Variants in HOOK3 observed in about 807,000 individuals in gnomAD.
HOOK3 encodes protein Hook homolog 3.
In HOOK3, 24 loss-of-function variants were observed where a neutral mutation model predicts 116.3. The observed-to-expected ratio is 0.21, with a 90% CI of 0.15 to 0.29. The LOEUF (loss-of-function observed/expected upper bound fraction) is 0.29. HOOK3 is among the 10% of genes least tolerant of loss of function. The pLI is 1.00. For missense variants in HOOK3, 632 were observed against 830.2 expected, an observed-to-expected ratio of 0.76 and a Z score of 2.93; for synonymous variants, 275 against 283.0, an observed-to-expected ratio of 0.97 and a Z score of 0.28.
rs376311649 is a variant in HOOK3 at position 43,001,664 on chromosome 8, A to T, written c.1621-443A>T. On this transcript the variant is annotated intron_variant, in intron 16 of 21. Coordinates refer to ENST00000307602, the MANE Select transcript of HOOK3 (RefSeq NM_032410.4). ...AATTATTTGTAACCTGTGCATTTTCATAAGTCACTGATTAAGTCAGACATA... is the reference window on the plus strand; with the variant it reads ...AATTATTTGTAACCTGTGCATTTTCTTAAGTCACTGATTAAGTCAGACATA... 1.5e-4 allele frequency among the ~76,000 whole-genome samples: 23 copies of T among 152,128 alleles called. No homozygotes were observed. In the South Asian group the frequency reaches 4.4e-3, roughly 29 times the overall value.
At chr8:42,938,871 C>A (rs1808031364) in intron 4 of HOOK3, among the ~76,000 whole-genome samples, 1 of 152,238 alleles carries the variant, frequency 6.6e-6, no homozygotes, top group East Asian at 1.9e-4. Flanking sequence ...CTGCATTCCG[C>A]AGTGTTTGTG....
chr8:42,995,250 G>A (rs886399547), intron 15 of HOOK3, among the ~76,000 whole-genome samples: 7 of 138,078 alleles, frequency 5.1e-5, no homozygotes, highest in African/African-American at 1.7e-4. Context: ...AACACTCATT[G>A]TCTTGTTTTC....
intron 13 of HOOK3, 48 bp from the exon 14 acceptor site, chr8:42,982,579 G>A (rs759911531): frequency 5.4e-6 from 7 of 1,306,062 alleles, no homozygotes; most frequent in African/African-American, 2.9e-5. Context: ...CGAAAGTTGT[G>A]TAACTGTGTT....
chr8:42,943,241 C>A (rs1563297468), intron 4 of HOOK3, 72 bp from the exon 5 acceptor site: 1 of 1,047,314 alleles, frequency 9.5e-7, no homozygotes, highest in African/African-American at 1.6e-5. Flanking sequence ...TAATAACAAA[C>A]CTCGATCAAG....
chr8:42,998,921 G>A (rs1259062791), intron 16 of HOOK3, among the ~76,000 whole-genome samples: 1 of 152,196 alleles, frequency 6.6e-6, no homozygotes, highest in Non-Finnish European at 1.5e-5. Context: ...AAGTATCTTA[G>A]AGATGAACTG....
chr8:42,964,407 A>C lies in HOOK3; in HGVS notation c.712A>C (p.Ser238Arg). ...ATCTGATTCTATAGAAGACCCTAACAGTCCAGCAGGAAGAAGGCATTTGCA... is the reference window on the plus strand; with the variant it reads ...ATCTGATTCTATAGAAGACCCTAACCGTCCAGCAGGAAGAAGGCATTTGCA... ...NQSDSIEDPN[S>R]PAGRRHLQLQ... The change falls in exon 9 of 22, where the codon AGT becomes CGT. Residue 238 changes from serine to arginine, a missense_variant. By Grantham distance (110) the Ser-to-Arg change is moderately radical. This residue lies in a region of HOOK3 where 483 missense variants were observed against 648.1 expected (regional missense o/e 0.75). Transcript: ENST00000307602. The C allele has an allele frequency of 6.2e-7, 1 of 1,614,208 alleles. No individual in the cohort carries two copies. The highest frequency in any genetic ancestry group is 1.3e-5 in the African/African-American group (1 of 75,074).
In HOOK3 at chr8:42,919,271, C is replaced by T. The variant is rs1371789182; in HGVS notation, c.144-6286C>T. Among the ~76,000 whole-genome samples, 320 of 145,482 alleles carry T rather than the reference C, an allele frequency of 2.2e-3. 2 individuals carry two copies. Among genetic ancestry groups the T allele is most frequent in the Non-Finnish European group, 2.2e-3 (147 of 66,816 alleles). On this transcript the variant is annotated intron_variant, in intron 2 of 21. Coordinates refer to ENST00000307602, the MANE Select transcript of HOOK3 (RefSeq NM_032410.4). ...GGGGCTCCTCACTTCTCAGACGGGG[C>T]GGCCAGTCAGAGACGCTCCTCACCT...
intron 6 of HOOK3, among the ~76,000 whole-genome samples, chr8:42,953,941 C>T (rs1001569865): frequency 1.3e-4 from 20 of 152,074 alleles, no homozygotes; most frequent in African/African-American, 3.1e-4. Flanking sequence ...ACCATTGTGC[C>T]GTATCCCTTC....
At chr8:42,908,328 G>T (rs190495518) in intron 2 of HOOK3, among the ~76,000 whole-genome samples, 2 of 152,242 alleles carry the variant, frequency 1.3e-5, no homozygotes, top group African/African-American at 4.8e-5. Flanking sequence ...AAATTCATAT[G>T]AAATGACAAA....
chr8:42,907,816 C>CAAAAGAA (rs1807341077), intron 2 of HOOK3, among the ~76,000 whole-genome samples: 1 of 46,196 alleles, frequency 2.2e-5, no homozygotes. Flanking sequence ...AGCAACGAGG[C>CAAAAGAA]AAAAAAAAAA....
At chr8:42,972,461 G>A (rs1043722693) in intron 11 of HOOK3, among the ~76,000 whole-genome samples, 1 of 151,920 alleles carries the variant, frequency 6.6e-6, no homozygotes, top group African/African-American at 2.4e-5. Context: ...TCCTAGGCTG[G>A]AGTGCAATGG....
intron 18 of HOOK3, among the ~76,000 whole-genome samples, chr8:43,008,656 TA>T: frequency 6.7e-6 from 1 of 149,090 alleles, no homozygotes; most frequent in African/African-American, 2.4e-5. Flanking sequence ...TTTTTATTTT[TA>T]TTTTTATTTT....
At chr8:42,923,618 CAT>C (rs1807705853) in intron 2 of HOOK3, among the ~76,000 whole-genome samples, 1 of 152,072 alleles carries the variant, frequency 6.6e-6, no homozygotes, top group African/African-American at 2.4e-5. Flanking sequence ...TAGACAAATT[CAT>C]AGAGACAGAA....
chr8:42,955,996 T>G (rs1808426279), intron 6 of HOOK3, among the ~76,000 whole-genome samples: 1 of 152,024 alleles, frequency 6.6e-6, no homozygotes, highest in South Asian at 2.1e-4. Flanking sequence ...GCCTCCCGAG[T>G]AGCTGGAACT....
intron 4 of HOOK3, among the ~76,000 whole-genome samples, chr8:42,940,603 T>C (rs1808095070): frequency 6.6e-6 from 1 of 152,176 alleles, no homozygotes; most frequent in African/African-American, 2.4e-5. Flanking sequence ...TTGTGGGGTT[T>C]CTGCAGAGAG....
At chr8:43,009,086 C>T (rs1809553211) in intron 18 of HOOK3, among the ~76,000 whole-genome samples, 1 of 151,202 alleles carries the variant, frequency 6.6e-6, no homozygotes, top group Non-Finnish European at 1.5e-5. Flanking sequence ...GCCTGGGGAA[C>T]ACAGCAAGAC....
intron 16 of HOOK3, 59 bp from the exon 17 acceptor site, chr8:43,002,048 G>T: frequency 1.7e-6 from 2 of 1,153,718 alleles, no homozygotes; most frequent in South Asian, 1.3e-5. Flanking sequence ...TAACTTAAAA[G>T]AAAATACTAT....
chr8:43,009,343 T>C (rs1424683260), intron 18 of HOOK3, among the ~76,000 whole-genome samples: 1 of 151,564 alleles, frequency 6.6e-6, no homozygotes, highest in East Asian at 1.9e-4. Context: ...GAGGCAGAGG[T>C]TGGAGTGAGC....
At chr8:42,905,700 T>G (rs112738466) in intron 1 of HOOK3, among the ~76,000 whole-genome samples, 2,725 of 151,944 alleles carry the variant, frequency 0.018, 87 homozygotes, top group African/African-American at 0.064. Context: ...GGCAGGACAT[T>G]TCCCTTAAAG....
Sources: allele counts gnomAD v4.1 joint callset (sites outside exome capture counted in the v4.1 genomes callset), GRCh38; gene constraint gnomAD v4.1.1; regional missense constraint gnomAD v4.1.1; transcripts MANE v1.5; gene names NCBI Gene and HGNC (gene_info 2026-07-23, HGNC 2026-07-21).